MEOX2: variants seen among roughly 807,000 people sequenced by gnomAD.
The protein encoded by MEOX2 is mesenchyme homeobox 2, also known as homeobox protein MOX-2.
A neutral mutation model predicts 27.0 loss-of-function variants in MEOX2; 11 were observed. That is an observed-to-expected ratio of 0.41 (90% CI 0.26 to 0.68). The LOEUF (loss-of-function observed/expected upper bound fraction) is 0.68, where lower values mean the gene tolerates loss of function less well. Ranked by LOEUF, MEOX2 falls within the 30% of genes least tolerant of loss-of-function variation. The pLI, the probability that MEOX2 is intolerant of heterozygous loss-of-function variation, is 0.33. For missense variants in MEOX2, 436 were observed against 385.4 expected (o/e 1.13, Z -1.10); for synonymous variants, 189 against 155.4 (o/e 1.22, Z -1.61).
chr7:15,651,688 T>C (rs1450018788), intron 1 of MEOX2, among the ~76,000 whole-genome samples: 1 of 151,992 alleles, frequency 6.6e-6, no homozygotes, highest in Admixed American at 6.6e-5. Context: ...TCTGTACTCT[T>C]GATCAGTGCT....
intron 1 of MEOX2, among the ~76,000 whole-genome samples, chr7:15,666,043 G>C (rs1781999477): frequency 6.6e-6 from 1 of 152,088 alleles, no homozygotes; most frequent in Non-Finnish European, 1.5e-5. Context: ...CTGAGAATGT[G>C]TTCAAATGTA....
chr7:15,631,132 A>C (rs1202435374), intron 1 of MEOX2, among the ~76,000 whole-genome samples: 1 of 151,932 alleles, frequency 6.6e-6, no homozygotes, highest in Non-Finnish European at 1.5e-5. Flanking sequence ...TGATAGCTAT[A>C]ATAATACATT....
intron 1 of MEOX2, among the ~76,000 whole-genome samples, chr7:15,635,731 G>C (rs1354764383): frequency 1.3e-5 from 2 of 151,880 alleles, no homozygotes; most frequent in Admixed American, 1.3e-4. Context: ...TAAGAATTTA[G>C]GAATTTACAC....
intron 1 of MEOX2, among the ~76,000 whole-genome samples, chr7:15,663,729 T>C (rs926232541): frequency 2.0e-5 from 3 of 152,170 alleles, no homozygotes; most frequent in Non-Finnish European, 4.4e-5. Context: ...GTTGGGACTA[T>C]TATAAATTAA....
intron 1 of MEOX2, among the ~76,000 whole-genome samples, chr7:15,650,811 A>C (rs1459196913): frequency 6.6e-6 from 1 of 152,106 alleles, no homozygotes; most frequent in African/African-American, 2.4e-5. Context: ...AGGGATTTCC[A>C]CAGTGATTTA....
chr7:15,633,519 C>T (rs902202283), intron 1 of MEOX2, among the ~76,000 whole-genome samples: 3 of 151,846 alleles, frequency 2.0e-5, no homozygotes, highest in African/African-American at 7.3e-5. Flanking sequence ...AGTGTGATGC[C>T]AGAAAATTCA....
chr7:15,626,331 G>T (rs1781305125), intron 2 of MEOX2, among the ~76,000 whole-genome samples: 1 of 152,040 alleles, frequency 6.6e-6, no homozygotes, highest in Non-Finnish European at 1.5e-5. Flanking sequence ...AGATTTGAGG[G>T]TGAATGTGTT....
intron 1 of MEOX2, chr7:15,675,918 T>G (rs533138192): frequency 6.6e-6 from 1 of 152,332 alleles, no homozygotes; most frequent in Non-Finnish European, 1.5e-5. Flanking sequence ...TAAACTTCTC[T>G]TGTTTTAGGG....
At chr7:15,646,027 T>C (rs1781642725) in intron 1 of MEOX2, among the ~76,000 whole-genome samples, 1 of 152,096 alleles carries the variant, frequency 6.6e-6, no homozygotes, top group South Asian at 2.1e-4. Context: ...AATATGTAAG[T>C]TAGTAGCCAC....
intron 1 of MEOX2, among the ~76,000 whole-genome samples, chr7:15,657,814 T>C (rs1318175236): frequency 6.6e-6 from 1 of 152,208 alleles, no homozygotes; most frequent in East Asian, 1.9e-4. Flanking sequence ...GTTTTAGTAT[T>C]ATGTATGGTA....
intron 1 of MEOX2, among the ~76,000 whole-genome samples, chr7:15,645,855 T>C (rs555655160): frequency 6.6e-6 from 1 of 152,116 alleles, no homozygotes; most frequent in South Asian, 2.1e-4. Flanking sequence ...TGTATGAATA[T>C]TTTTGTGCCA....
chr7:15,628,153 T>G (rs977954519), intron 1 of MEOX2, among the ~76,000 whole-genome samples: 9 of 151,748 alleles, frequency 5.9e-5, no homozygotes, highest in Non-Finnish European at 1.2e-4. Flanking sequence ...TTAGATTATG[T>G]TTTTTTTCAT....
intron 1 of MEOX2, 57 bp from the exon 2 acceptor site, chr7:15,626,975 C>T (rs959358257): frequency 2.0e-6 from 3 of 1,513,736 alleles, no homozygotes; most frequent in Non-Finnish European, 2.7e-6. Flanking sequence ...CACATGCAAT[C>T]ATATTATTCA....
intron 1 of MEOX2, among the ~76,000 whole-genome samples, chr7:15,646,993 T>G (rs1050557543): frequency 4.0e-5 from 6 of 151,852 alleles, no homozygotes; most frequent in African/African-American, 1.4e-4. Context: ...CTGGACATAC[T>G]CCCCCAAGAA....
chr7:15,658,940 C>T (rs751182475), intron 1 of MEOX2, among the ~76,000 whole-genome samples: 1 of 152,146 alleles, frequency 6.6e-6, no homozygotes, highest in Non-Finnish European at 1.5e-5. Context: ...AGCTATTCTG[C>T]CTCATCTTTC....
chr7:15,643,763 G>A (rs1310171668), intron 1 of MEOX2, among the ~76,000 whole-genome samples: 2 of 152,192 alleles, frequency 1.3e-5, no homozygotes, highest in Non-Finnish European at 2.9e-5. Flanking sequence ...ACTCTTCTCT[G>A]TTTTCTAACA....
At chr7:15,656,442 T>A (rs1781822909) in intron 1 of MEOX2, among the ~76,000 whole-genome samples, 1 of 151,788 alleles carries the variant, frequency 6.6e-6, no homozygotes, top group Non-Finnish European at 1.5e-5. Context: ...TTTTTCTTTT[T>A]TTTTTTCCTG....
At chr7:15,678,358 G>T (rs770086404) in intron 1 of MEOX2, among the ~76,000 whole-genome samples, 1 of 151,968 alleles carries the variant, frequency 6.6e-6, no homozygotes, top group African/African-American at 2.4e-5. Flanking sequence ...AAATGTGAAA[G>T]TTATTTGCTA....
At chr7:15,653,025 C>A (rs1028536732) in intron 1 of MEOX2, among the ~76,000 whole-genome samples, 1 of 151,928 alleles carries the variant, frequency 6.6e-6, no homozygotes, top group South Asian at 2.1e-4. Flanking sequence ...ATGATAGTTG[C>A]ATGTTTTGTT....
Sources: allele counts gnomAD v4.1 joint callset (sites outside exome capture counted in the v4.1 genomes callset), GRCh38; gene constraint gnomAD v4.1.1; transcripts MANE v1.5; gene names NCBI Gene and HGNC (gene_info 2026-07-23, HGNC 2026-07-21).